DPH6: variants seen among roughly 807,000 people sequenced by gnomAD.
The protein encoded by DPH6 is diphthamine biosynthesis 6.
Under a neutral mutation model 38.2 loss-of-function variants are expected in DPH6, and 33 were observed. The observed-to-expected ratio is 0.86, with a 90% CI of 0.65 to 1.15. The LOEUF (loss-of-function observed/expected upper bound fraction) is 1.15, where lower values mean the gene tolerates loss of function less well. DPH6 is among the 50% of genes most tolerant of loss of function. DPH6 has a pLI of 0.00. For synonymous variants in DPH6, 108 were observed against 103.0 expected, an observed-to-expected ratio of 1.05 and a Z score of -0.30; for missense variants, 325 against 320.0, an observed-to-expected ratio of 1.02 and a Z score of -0.12.
At chr15:35,295,700 A>C (rs1256081153) in intron 3 of DPH6, among the ~76,000 whole-genome samples, 1 of 152,190 alleles carries the variant, frequency 6.6e-6, no homozygotes, top group East Asian at 1.9e-4. Flanking sequence ...AGCTGTTTTC[A>C]GGATGCAAAG....
chr15:35,471,441 A>G (rs1278308825), intron 3 of DPH6, among the ~76,000 whole-genome samples: 3 of 152,128 alleles, frequency 2.0e-5, no homozygotes, highest in African/African-American at 2.4e-5. Flanking sequence ...CTCCACTTCT[A>G]ATTACTTCTC....
the DPH6 span, among the ~76,000 whole-genome samples, chr15:35,156,671 GAC>G: frequency 6.6e-6 from 1 of 152,134 alleles, no homozygotes; most frequent in Non-Finnish European, 1.5e-5. Context: ...TCAATTTGAT[GAC>G]ACAGATTATC....
intron 3 of DPH6, among the ~76,000 whole-genome samples, chr15:35,322,403 C>T (rs371512186): frequency 1.3e-5 from 2 of 152,192 alleles, no homozygotes; most frequent in African/African-American, 2.4e-5. Flanking sequence ...TTAGCTTGGC[C>T]TTCGCCTAGG....
intron 3 of DPH6, among the ~76,000 whole-genome samples, chr15:35,226,334 C>T (rs1226412234): frequency 2.0e-5 from 3 of 151,986 alleles, no homozygotes; most frequent in African/African-American, 7.2e-5. Context: ...TAATAAATAC[C>T]TTTACTCAGT....
chr15:35,491,784 T>A (rs1168050989), intron 3 of DPH6, among the ~76,000 whole-genome samples: 5 of 150,292 alleles, frequency 3.3e-5, no homozygotes, highest in Non-Finnish European at 7.4e-5. Context: ...TGTATAGACA[T>A]ATTTTTATAT....
At position 35,242,809 on chromosome 15, in the gene DPH6, A is replaced by G. The variant is rs1451637700; in HGVS notation, n.201-22227T>C. Among the ~76,000 whole-genome samples, 2 of 142,020 alleles carry G rather than the reference A, an allele frequency of 1.4e-5. 1 individual carries two copies. Among genetic ancestry groups the G allele is most frequent in the African/African-American group, 5.1e-5 (2 of 39,220 alleles). 93.2% of individuals were successfully genotyped at this position (142,020 alleles called of 152,430 possible). The stretch of plus-strand genomic sequence containing the variant: ...CAGTCTCATTCCAGACACCAGACCA[A>G]CTTCGACTGTGCCCCCAAATAACTT... On this transcript the variant is annotated intron_variant and non_coding_transcript_variant, in intron 3 of 3. Coordinates refer to the DPH6 transcript ENST00000560386.
the DPH6 span, among the ~76,000 whole-genome samples, chr15:35,149,071 C>A: frequency 6.6e-6 from 1 of 151,858 alleles, no homozygotes; most frequent in South Asian, 2.1e-4. Context: ...ATCTCCATCC[C>A]CCTTCTCTCC....
intron 3 of DPH6, among the ~76,000 whole-genome samples, chr15:35,304,602 T>C (rs1431623793): frequency 2.6e-5 from 4 of 152,248 alleles, no homozygotes; most frequent in East Asian, 1.9e-4. Flanking sequence ...TTCATCTCTA[T>C]GTGTGTCGGG....
the DPH6 span, among the ~76,000 whole-genome samples, chr15:35,172,930 T>C: frequency 6.6e-6 from 1 of 152,226 alleles, no homozygotes; most frequent in African/African-American, 2.4e-5. Context: ...GCTGGGACTA[T>C]AGGTGTTAGC....
the DPH6 span, chr15:35,169,848 T>C: frequency 6.6e-6 from 1 of 152,306 alleles, no homozygotes; most frequent in South Asian, 2.1e-4. Flanking sequence ...ATGAAGTATA[T>C]TAAAATCTGT....
chr15:35,226,352 T>C lies in DPH6; in HGVS notation n.201-5770A>G, dbSNP rs188994860. On this transcript the variant is annotated intron_variant and non_coding_transcript_variant, in intron 3 of 3. Transcript: ENST00000560386. ...TAAATACCTTTACTCAGTCTTTACA[T>C]ACGTAAGGTAACAAAAATAAATTAA... Among the ~76,000 whole-genome samples the C allele has an allele frequency of 5.3e-5, 8 of 152,292 alleles. No individual in the cohort carries two copies. In the East Asian group the frequency reaches 1.4e-3, roughly 26 times the overall value.
intron 3 of DPH6, among the ~76,000 whole-genome samples, chr15:35,534,666 C>T (rs1360326529): frequency 2.0e-5 from 3 of 151,864 alleles, no homozygotes; most frequent in Non-Finnish European, 4.4e-5. Context: ...AATAAAGATA[C>T]ATGAAGATTC....
chr15:35,524,925 C>T (rs2054975888), intron 3 of DPH6, among the ~76,000 whole-genome samples: 1 of 152,100 alleles, frequency 6.6e-6, no homozygotes, highest in Non-Finnish European at 1.5e-5. Flanking sequence ...AGAAATTTCT[C>T]CCTTGGATTA....
At chr15:35,462,231 G>A (rs1307504076) in intron 3 of DPH6, among the ~76,000 whole-genome samples, 2 of 151,920 alleles carry the variant, frequency 1.3e-5, no homozygotes, top group Admixed American at 1.3e-4. Context: ...CTTCCTAACT[G>A]GCCTCCCTAA....
chr15:35,497,856 A>G (rs953652155), intron 3 of DPH6, among the ~76,000 whole-genome samples: 14 of 152,234 alleles, frequency 9.2e-5, no homozygotes, highest in African/African-American at 3.4e-4. Flanking sequence ...ACATTATCCA[A>G]TAGTGTAAAA....
chr15:35,336,973 G>A (rs1322791842), intron 3 of DPH6, among the ~76,000 whole-genome samples: 1 of 152,000 alleles, frequency 6.6e-6, no homozygotes, highest in African/African-American at 2.4e-5. Flanking sequence ...AATGAGTTAG[G>A]GAGGATTCCC....
At chr15:35,437,214 G>T (rs372002402) in intron 5 of DPH6, among the ~76,000 whole-genome samples, 2 of 152,026 alleles carry the variant, frequency 1.3e-5, no homozygotes, top group Non-Finnish European at 2.9e-5. Context: ...GGAACGCCTC[G>T]CTCCCCTCTT....
the DPH6 span, among the ~76,000 whole-genome samples, chr15:35,200,522 A>C: frequency 6.6e-6 from 1 of 152,116 alleles, no homozygotes; most frequent in Non-Finnish European, 1.5e-5. Flanking sequence ...ATATTAATTA[A>C]TTAGTTATTT....
intron 3 of DPH6, among the ~76,000 whole-genome samples, chr15:35,347,137 T>C (rs1021035749): frequency 6.6e-6 from 1 of 152,098 alleles, no homozygotes; most frequent in African/African-American, 2.4e-5. Flanking sequence ...CCCATTGAAC[T>C]CTCCTTTTCC....
Sources: allele counts gnomAD v4.1 joint callset (sites outside exome capture counted in the v4.1 genomes callset), GRCh38; gene constraint gnomAD v4.1.1; transcripts MANE v1.5; gene names NCBI Gene and HGNC (gene_info 2026-07-23, HGNC 2026-07-21).